ANKRD30A: variants seen among roughly 807,000 people sequenced by gnomAD.
The protein encoded by ANKRD30A is ankyrin repeat domain-containing protein 30A.
ANKRD30A carries 170 observed loss-of-function variants against 166.3 expected under a neutral mutation model. The observed-to-expected ratio is 1.02, with a 90% CI of 0.90 to 1.16. The LOEUF (loss-of-function observed/expected upper bound fraction) is 1.16. Among genes scored for constraint, ANKRD30A ranks in the 50% most tolerant of loss-of-function variants. ANKRD30A has a pLI of 0.00. For synonymous variants in ANKRD30A, 564 were observed against 508.9 expected, an observed-to-expected ratio of 1.11 and a Z score of -1.46; for missense variants, 1,630 against 1,518.0, an observed-to-expected ratio of 1.07 and a Z score of -1.23.
In ANKRD30A at chr10:37,129,938, A is replaced by G; in HGVS notation, c.267A>G (p.Val89=). The change falls in exon 2 of 36, where the codon GTA becomes GTG. Residue 89 remains valine (V), a synonymous_variant. Transcript: ENST00000361713. ...GTGTCAATGGCCATGAGGAAGTAGT[A>G]ACATTTCTGGTAGACAGAAAGTGCC... ...WACVNGHEEV[V]TFLVDRKCQL... 6.3e-7 allele frequency: 1 copy of G among 1,578,442 alleles called. No individual in the cohort carries two copies. The highest frequency in any genetic ancestry group is 1.4e-5 in the African/African-American group (1 of 73,470).
intron 34 of ANKRD30A, 32 bp from the exon 35 acceptor site, chr10:37,231,429 T>C (rs1388182475): frequency 4.5e-6 from 7 of 1,572,316 alleles, no homozygotes; most frequent in Middle Eastern, 3.4e-4. Context: ...AAAAATAAAA[T>C]ACTAAGCATT....
At chr10:37,154,327 C>T (rs767667434) in intron 13 of ANKRD30A, among the ~76,000 whole-genome samples, 16 of 152,192 alleles carry the variant, frequency 1.1e-4, no homozygotes, top group Non-Finnish European at 2.1e-4. Context: ...TAACAATTCA[C>T]ACTGAGATTC....
chr10:37,219,657 G>C lies in ANKRD30A; in HGVS notation c.3945G>C (p.Gln1315His). ...EQDNVNKHTE[Q>H]QESLDQKLFQ... ...ATAATGTGAACAAACACACTGAACA[G>C]CAGGAGTCTCTAGATCAGAAATTAT... Residue 1315 changes from glutamine to histidine, a missense_variant, in exon 34 of 36, where the codon CAG (glutamine) becomes CAC (histidine). Physicochemically the swap from Gln to His is conservative, Grantham distance 24. Coordinates refer to ENST00000361713, the MANE Select transcript of ANKRD30A (RefSeq NM_052997.3). 6.2e-7 allele frequency: 1 copy of C among 1,609,824 alleles called. No homozygotes were observed. The highest frequency in any genetic ancestry group is 8.5e-7 in the Non-Finnish European group (1 of 1,177,424).
At chr10:37,127,945 C>A (rs1479783961) in intron 1 of ANKRD30A, among the ~76,000 whole-genome samples, 1 of 152,054 alleles carries the variant, frequency 6.6e-6, no homozygotes, top group African/African-American at 2.4e-5. Flanking sequence ...CATGCAATTT[C>A]TTTTCTGAGC....
rs188557883 is a variant in ANKRD30A, at chr10:37,224,075, G to A, written c.4185+4178G>A. On this transcript the variant is annotated intron_variant, in intron 34 of 35. Transcript: ENST00000361713. Reference sequence around the variant, plus strand: ...ATTTTAATGTTTTTTCAGAGTCACAGCACAAACTGAAACTTTTTTTGAATA... The same window carrying A: ...ATTTTAATGTTTTTTCAGAGTCACAACACAAACTGAAACTTTTTTTGAATA... 5.9e-5 allele frequency among the ~76,000 whole-genome samples: 9 copies of A among 151,292 alleles called. No homozygotes were observed. The East Asian group carries it at 1.8e-3, about 30-fold the overall frequency.
rs372895547 is a variant in ANKRD30A, at chr10:37,158,282, G to C, written c.1799-110G>C. ...AAGACCCCAAAACATAGTGTAATCC[G>C]TTTTGCAATCCAAGCATGAGGATTC... On this transcript the variant is annotated intron_variant, in intron 13 of 35. Transcript: ENST00000361713. The C allele has an allele frequency of 1.3e-3, 1,856 of 1,459,062 alleles. 2 individuals carry two copies. The highest frequency in any genetic ancestry group is 1.6e-3 in the African/African-American group (115 of 70,826). The allele number at this position is 1,459,062 out of a possible 1,614,324, so 90.4% of individuals were successfully genotyped here.
chr10:37,258,966 A>G, the ANKRD30A span, among the ~76,000 whole-genome samples: 2 of 150,292 alleles, frequency 1.3e-5, no homozygotes, highest in Admixed American at 6.6e-5. Context: ...CCATCTCAAA[A>G]AAAAAAAAAA....
intron 27 of ANKRD30A, among the ~76,000 whole-genome samples, chr10:37,195,157 C>A (rs1030354804): frequency 1.3e-5 from 2 of 152,094 alleles, no homozygotes; most frequent in Non-Finnish European, 2.9e-5. Flanking sequence ...CAAGAATTTT[C>A]AAAAATGCAT....
chr10:37,179,290 T>G (rs1248780336), intron 24 of ANKRD30A, among the ~76,000 whole-genome samples: 15 of 150,838 alleles, frequency 9.9e-5, no homozygotes, highest in African/African-American at 3.4e-4. Context: ...TTCGTAGGTA[T>G]TTTACTGATT....
In ANKRD30A at chr10:37,195,617, G is replaced by A. The variant is rs191270097; in HGVS notation, c.2615-1664G>A. ...CATATTTATTTAAAAAATGGTGACC[G>A]GGTGCGGTGGCTCACGCCTGTAATG... On this transcript the variant is annotated intron_variant, in intron 27 of 35. Transcript: ENST00000361713. Among the ~76,000 whole-genome samples, 192 of 152,234 alleles carry A rather than the reference G, an allele frequency of 1.3e-3. 1 individual carries two copies. The highest frequency in any genetic ancestry group is 5.8e-3 in the South Asian group (28 of 4,824).
chr10:37,196,741 A>G (rs537615549), intron 27 of ANKRD30A, among the ~76,000 whole-genome samples: 2 of 152,280 alleles, frequency 1.3e-5, no homozygotes, highest in Admixed American at 1.3e-4. Flanking sequence ...GAGGATACAG[A>G]AATATAGGCA....
chr10:37,203,879 C>A (rs1440014624), intron 31 of ANKRD30A, among the ~76,000 whole-genome samples: 1 of 152,104 alleles, frequency 6.6e-6, no homozygotes, highest in Non-Finnish European at 1.5e-5. Context: ...GAGTGAACTC[C>A]CATTCACAAT....
chr10:37,135,816 T>G (rs1418002049), intron 5 of ANKRD30A, among the ~76,000 whole-genome samples: 2 of 152,300 alleles, frequency 1.3e-5, no homozygotes, highest in East Asian at 3.9e-4. Context: ...TATAAATAAA[T>G]TTCATTACAA....
In ANKRD30A at chr10:37,219,246, C is replaced by T. The variant is rs1342042382; in HGVS notation, c.3534C>T (p.Leu1178=). 2 of 1,610,398 alleles carry T rather than the reference C, an allele frequency of 1.2e-6. No individual in the cohort carries two copies. Among genetic ancestry groups the T allele is most frequent in the East Asian group, 2.2e-5 (1 of 44,778 alleles). ...LKVLIAENTM[L]TSKLKEKQDK... Reference sequence around the variant, plus strand: ...TTCTGATAGCTGAGAACACAATGCTCACTTCTAAATTGAAGGAAAAACAAG... The same window carrying T: ...TTCTGATAGCTGAGAACACAATGCTTACTTCTAAATTGAAGGAAAAACAAG... Residue 1178 remains leucine (L), a synonymous_variant, in exon 34 of 36, where the codon CTC becomes CTT. Coordinates refer to ENST00000361713, the MANE Select transcript of ANKRD30A (RefSeq NM_052997.3).
chr10:37,183,314 G>A (rs368169560), intron 24 of ANKRD30A, among the ~76,000 whole-genome samples: 74 of 145,054 alleles, frequency 5.1e-4, no homozygotes, highest in South Asian at 3.9e-3. Context: ...CAGTAAATAG[G>A]AGAAATAGGA....
chr10:37,229,959 C>A (rs1843342429), intron 34 of ANKRD30A, among the ~76,000 whole-genome samples: 1 of 151,940 alleles, frequency 6.6e-6, no homozygotes, highest in East Asian at 1.9e-4. Flanking sequence ...ATTCATTTTA[C>A]TCTTTTAGTT....
At chr10:37,244,139 T>C in the ANKRD30A span, among the ~76,000 whole-genome samples, 1 of 152,222 alleles carries the variant, frequency 6.6e-6, no homozygotes, top group African/African-American at 2.4e-5. Context: ...CAGGAGCTTC[T>C]CCTGGCAGTT....
intron 1 of ANKRD30A, among the ~76,000 whole-genome samples, chr10:37,128,707 A>T (rs1400600085): frequency 1.3e-5 from 2 of 152,000 alleles, no homozygotes; most frequent in Non-Finnish European, 2.9e-5. Flanking sequence ...AACTCTCAGG[A>T]CCCTTTCATT....
At chr10:37,196,069 G>C (rs1456531897) in intron 27 of ANKRD30A, among the ~76,000 whole-genome samples, 1 of 149,296 alleles carries the variant, frequency 6.7e-6, no homozygotes, top group African/African-American at 2.5e-5. Context: ...ATTCTACAGA[G>C]TTAGAGGTTT....
Sources: gnomAD v4.1 joint callset for allele counts (sites outside exome capture counted in the v4.1 genomes callset) on GRCh38, gnomAD v4.1.1 for gene constraint, MANE v1.5 for transcripts, NCBI Gene and HGNC (gene_info 2026-07-23, HGNC 2026-07-21) for gene names.